The following PPP2R2A variants were observed in gnomAD, a reference collection of about 807,000 sequenced individuals.
PPP2R2A encodes protein phosphatase 2 regulatory subunit Balpha, also known as serine/threonine-protein phosphatase 2A 55 kDa regulatory subunit B alpha isoform.
PPP2R2A carries 9 observed loss-of-function variants against 53.2 expected under a neutral mutation model. That is an observed-to-expected ratio of 0.17 (90% CI 0.10 to 0.30). The LOEUF (loss-of-function observed/expected upper bound fraction) is 0.30. PPP2R2A is among the 10% of genes least tolerant of loss of function. PPP2R2A has a pLI of 1.00. For missense variants in PPP2R2A, 235 were observed against 534.6 expected (o/e 0.44, Z 5.53); for synonymous variants, 169 against 174.2 (o/e 0.97, Z 0.23).
chr8:26,307,676 C>G (rs1802084464), intron 2 of PPP2R2A, among the ~76,000 whole-genome samples: 1 of 152,162 alleles, frequency 6.6e-6, no homozygotes, highest in African/African-American at 2.4e-5. Flanking sequence ...GGAAAAACAA[C>G]TTTGATTATA....
intron 2 of PPP2R2A, among the ~76,000 whole-genome samples, chr8:26,322,037 C>G (rs1802866767): frequency 6.6e-6 from 1 of 152,106 alleles, no homozygotes; most frequent in Non-Finnish European, 1.5e-5. Context: ...TCAGTAGGTA[C>G]TGTAAAAGAA....
chr8:26,349,065 T>C lies in PPP2R2A; in HGVS notation c.181-5403T>C, dbSNP rs536580298. ...GTTGGGAAGAACATACTCCATCTTATAACTTAGGTGACAAGGTTCAATAAA... is the reference window on the plus strand; with the variant it reads ...GTTGGGAAGAACATACTCCATCTTACAACTTAGGTGACAAGGTTCAATAAA... On this transcript the variant is annotated intron_variant, in intron 3 of 9. Transcript: ENST00000380737. 7.9e-5 allele frequency among the ~76,000 whole-genome samples: 12 copies of C among 152,204 alleles called. No individual in the cohort carries two copies. The South Asian group carries it at 2.1e-3, about 26-fold the overall frequency.
chr8:26,361,247 A>G (rs1805067005), intron 6 of PPP2R2A, 96 bp downstream of exon 6: 2 of 1,285,068 alleles, frequency 1.6e-6, no homozygotes, highest in African/African-American at 1.5e-5. Flanking sequence ...GTTGCTTTTT[A>G]TAGTCTGTGT....
At position 26,343,636 on chromosome 8, in the gene PPP2R2A, T is replaced by G. The variant is rs915332639; in HGVS notation, c.180+4649T>G. Among the ~76,000 whole-genome samples, 3 of 152,186 alleles carry G rather than the reference T, an allele frequency of 2.0e-5. No individual in the cohort carries two copies. In the East Asian group the frequency reaches 5.8e-4, roughly 29 times the overall value. ...CCACCCGTCTCGTGATCCACCCACC[T>G]TGGCCTCCCAAAGTGTTGAGCGTGA... On this transcript the variant is annotated intron_variant, in intron 3 of 9. Coordinates refer to ENST00000380737, the MANE Select transcript of PPP2R2A (RefSeq NM_002717.4).
At chr8:26,315,162 T>C (rs1055616272) in intron 2 of PPP2R2A, among the ~76,000 whole-genome samples, 1 of 152,170 alleles carries the variant, frequency 6.6e-6, no homozygotes, top group African/African-American at 2.4e-5. Context: ...TTCTTATTCA[T>C]ATTGGTAGAC....
rs1449929711 is a variant in PPP2R2A at position 26,292,175 on chromosome 8, C to T, written c.7+349C>T. 1.1e-5 allele frequency: 13 copies of T among 1,173,930 alleles called. No individual in the cohort carries two copies. In the South Asian group the frequency reaches 4.0e-4, roughly 36 times the overall value. 72.7% of individuals were successfully genotyped at this position (1,173,930 alleles called of 1,614,324 possible). A position where few individuals can be genotyped will look rare whatever the true frequency, so the allele number is the denominator to read the frequency against. ...GATCTTCTCCCACCTCCCCACCTTGCCCCCCGCCTTTATTTTTTTTTCCTG... is the reference window on the plus strand; with the variant it reads ...GATCTTCTCCCACCTCCCCACCTTGTCCCCCGCCTTTATTTTTTTTTCCTG... On this transcript the variant is annotated intron_variant, in intron 1 of 9. Coordinates refer to ENST00000380737, the MANE Select transcript of PPP2R2A (RefSeq NM_002717.4).
intron 3 of PPP2R2A, among the ~76,000 whole-genome samples, chr8:26,343,392 G>A (rs1259004509): frequency 6.8e-6 from 1 of 146,152 alleles, no homozygotes; most frequent in Non-Finnish European, 1.5e-5. Flanking sequence ...TTTTTTTTGA[G>A]ATGGAGTCTC....
chr8:26,314,213 A>T (rs1343419978), intron 2 of PPP2R2A, among the ~76,000 whole-genome samples: 1 of 152,206 alleles, frequency 6.6e-6, no homozygotes, highest in Admixed American at 6.5e-5. Context: ...TCACTAAATC[A>T]TCTTCAAATC....
chr8:26,313,629 A>G (rs56147604), intron 2 of PPP2R2A, among the ~76,000 whole-genome samples: 5,981 of 152,268 alleles, frequency 0.039, 177 homozygotes, highest in South Asian at 0.12. Flanking sequence ...TAGGGAGATC[A>G]TCCTAGGTTA....
chr8:26,302,693 A>G (rs1801842778), intron 2 of PPP2R2A, among the ~76,000 whole-genome samples: 1 of 152,236 alleles, frequency 6.6e-6, no homozygotes, highest in Admixed American at 6.5e-5. Context: ...TCATATATTT[A>G]ACTGACAGAA....
At chr8:26,326,533 A>G (rs1803095592) in intron 2 of PPP2R2A, among the ~76,000 whole-genome samples, 1 of 152,224 alleles carries the variant, frequency 6.6e-6, no homozygotes, top group East Asian at 1.9e-4. Flanking sequence ...AAAGATGGAT[A>G]GTGAAGTGCT....
In PPP2R2A at chr8:26,303,128, T is replaced by C. The variant is rs146776279; in HGVS notation, c.82+9388T>C. 3.4e-3 allele frequency among the ~76,000 whole-genome samples: 511 copies of C among 152,324 alleles called. 11 individuals are homozygous for C. The highest frequency in any genetic ancestry group is 0.029 in the Admixed American group (441 of 15,304). Reference sequence around the variant, plus strand: ...AAGTAGTTTCTGTGACTTGAAATTGTTTCAGTCTCCTCCCTCCCTGTTCTT... The same window carrying C: ...AAGTAGTTTCTGTGACTTGAAATTGCTTCAGTCTCCTCCCTCCCTGTTCTT... On this transcript the variant is annotated intron_variant, in intron 2 of 9. Coordinates refer to ENST00000380737, the MANE Select transcript of PPP2R2A (RefSeq NM_002717.4).
chr8:26,313,223 C>G (rs774810521), intron 2 of PPP2R2A, among the ~76,000 whole-genome samples: 7 of 151,882 alleles, frequency 4.6e-5, no homozygotes, highest in Non-Finnish European at 8.8e-5. Context: ...TTAGTAGAGA[C>G]ATGGTTTCAC....
chr8:26,332,093 C>T (rs866782195), intron 2 of PPP2R2A, among the ~76,000 whole-genome samples: 2 of 152,066 alleles, frequency 1.3e-5, no homozygotes, highest in Admixed American at 6.6e-5. Flanking sequence ...CAGTGGCTCA[C>T]GCCTGTAATC....
At chr8:26,322,380 A>C (rs895833868) in intron 2 of PPP2R2A, among the ~76,000 whole-genome samples, 3 of 152,218 alleles carry the variant, frequency 2.0e-5, no homozygotes, top group Non-Finnish European at 4.4e-5. Flanking sequence ...ACTAGTGGCT[A>C]CTGTACTAGA....
At chr8:26,369,672 G>C (rs1471607177) in intron 9 of PPP2R2A, among the ~76,000 whole-genome samples, 10 of 152,190 alleles carry the variant, frequency 6.6e-5, no homozygotes, top group African/African-American at 2.4e-4. Context: ...GATTACAGGC[G>C]TGAGCCACTG....
At chr8:26,311,294 G>A (rs960869197) in intron 2 of PPP2R2A, among the ~76,000 whole-genome samples, 6 of 152,232 alleles carry the variant, frequency 3.9e-5, no homozygotes, top group African/African-American at 1.4e-4. Context: ...AAGAATAAAA[G>A]CCTATTCCGG....
In PPP2R2A at chr8:26,353,853, A is replaced by T. The variant is rs574245287; in HGVS notation, c.181-615A>T. Among the ~76,000 whole-genome samples, 220 of 152,284 alleles carry T rather than the reference A, an allele frequency of 1.4e-3. 2 individuals are homozygous for T. The highest frequency in any genetic ancestry group is 4.6e-3 in the African/African-American group (192 of 41,560). On this transcript the variant is annotated intron_variant, in intron 3 of 9. Transcript: ENST00000380737. Reference sequence around the variant, plus strand: ...GGGGTGCATGGGGCCATTGCTGGGTAGTGCTGAATATGGACTTGATTGGTA... The same window carrying T: ...GGGGTGCATGGGGCCATTGCTGGGTTGTGCTGAATATGGACTTGATTGGTA...
chr8:26,346,551 T>G (rs1804225107), intron 3 of PPP2R2A, among the ~76,000 whole-genome samples: 1 of 152,244 alleles, frequency 6.6e-6, no homozygotes, highest in Non-Finnish European at 1.5e-5. Flanking sequence ...TTTCAAAGTC[T>G]TATTCAAGGA....
Sources: gnomAD v4.1 joint callset for allele counts (sites outside exome capture counted in the v4.1 genomes callset) on GRCh38, gnomAD v4.1.1 for gene constraint, MANE v1.5 for transcripts, NCBI Gene and HGNC (gene_info 2026-07-23, HGNC 2026-07-21) for gene names.